The following CDC73 variants were observed in gnomAD, a reference collection of about 807,000 sequenced individuals.
CDC73 encodes parafibromin.
A neutral mutation model predicts 83.7 loss-of-function variants in CDC73; 21 were observed. The observed-to-expected ratio is 0.25, with a 90% CI of 0.18 to 0.36. The LOEUF (loss-of-function observed/expected upper bound fraction) is 0.36, where lower values mean the gene tolerates loss of function less well. Ranked by LOEUF, CDC73 falls within the 10% of genes least tolerant of loss-of-function variation. The pLI is 1.00. For missense variants in CDC73, 342 were observed against 653.3 expected (o/e 0.52, Z 5.19); for synonymous variants, 224 against 212.9 (o/e 1.05, Z -0.45).
intron 10 of CDC73, among the ~76,000 whole-genome samples, chr1:193,192,628 G>A (rs576891775): frequency 6.6e-5 from 10 of 152,196 alleles, no homozygotes; most frequent in African/African-American, 1.9e-4. Context: ...GCGAAGTGCC[G>A]GGGTCTGACC....
chr1:193,253,415 G>GT lies in CDC73; in HGVS notation c.*2705dup, dbSNP rs1199490826. The GT allele has an allele frequency of 2.2e-5, 5 of 232,290 alleles. No homozygotes were observed. The highest frequency in any genetic ancestry group is 5.6e-5 in the Admixed American group (1 of 17,744). 14.4% of individuals were successfully genotyped at this position (232,290 alleles called of 1,614,324 possible). A position where few individuals can be genotyped will look rare whatever the true frequency, so the allele number is the denominator to read the frequency against. On this transcript the variant is annotated 3_prime_UTR_variant, in exon 17 of 17. Transcript: ENST00000367435. Reference sequence around the variant, plus strand: ...TATGTGTGGTTTTTGATTTTTTGTTGTTGTTGTTGTTTTGTGGCCACCCTT... The same window carrying GT: ...TATGTGTGGTTTTTGATTTTTTGTTGTTTGTTGTTGTTTTGTGGCCACCCTT...
chr1:193,180,696 A>G (rs1344010817), intron 10 of CDC73: 1 of 1,614,076 alleles, frequency 6.2e-7, no homozygotes, highest in South Asian at 1.1e-5. Context: ...CTTTGTTTCG[A>G]TTGGGTGCAT....
At chr1:193,155,299 G>A (rs762521939) in intron 10 of CDC73, among the ~76,000 whole-genome samples, 3 of 152,098 alleles carry the variant, frequency 2.0e-5, no homozygotes, top group Non-Finnish European at 4.4e-5. Flanking sequence ...AGAAACCCAG[G>A]TATCTTTAAA....
rs1396420212 is a variant in CDC73, at chr1:193,125,135, G to A, written c.155G>A (p.Arg52Lys). Residue 52 changes from arginine to lysine, a missense_variant, in exon 2 of 17, where the codon AGA (arginine) becomes AAA (lysine). Arg to Lys is a conservative substitution (Grantham distance 26). Coordinates refer to ENST00000367435, the MANE Select transcript of CDC73 (RefSeq NM_024529.5). ...AGGACTGGAAAGGAAGGCCAACCCAGAGAGTACTACACATTGGATTCCATT... is the reference window on the plus strand; with the variant it reads ...AGGACTGGAAAGGAAGGCCAACCCAAAGAGTACTACACATTGGATTCCATT... ...VWGTGKEGQPREYYTLDSILF... is the reference protein window; with the variant it reads ...VWGTGKEGQPKEYYTLDSILF... 1 of 1,605,212 alleles carries A rather than the reference G, an allele frequency of 6.2e-7. No individual in the cohort carries two copies. Among genetic ancestry groups the A allele is most frequent in the African/African-American group, 1.3e-5 (1 of 74,864 alleles).
At chr1:193,243,216 A>G (rs1452056175) in intron 15 of CDC73, among the ~76,000 whole-genome samples, 2 of 152,174 alleles carry the variant, frequency 1.3e-5, no homozygotes, top group Non-Finnish European at 2.9e-5. Context: ...CTGGGATTAC[A>G]GGCGTGAGCC....
At chr1:193,195,414 G>A (rs1676985460) in intron 10 of CDC73, among the ~76,000 whole-genome samples, 1 of 152,108 alleles carries the variant, frequency 6.6e-6, no homozygotes, top group Non-Finnish European at 1.5e-5. Context: ...GTTCATTAGA[G>A]TTATTCCTAC....
chr1:193,234,289 A>ATATATATATATATATATATAAT (rs1677719485), intron 14 of CDC73, among the ~76,000 whole-genome samples: 5 of 116,106 alleles, frequency 4.3e-5, no homozygotes, highest in African/African-American at 1.7e-4. Context: ...TAATATACAT[A>ATATATATATATATATATATAAT]TTATATATAT....
chr1:193,123,755 G>C (rs542628188), intron 1 of CDC73, among the ~76,000 whole-genome samples: 31 of 152,082 alleles, frequency 2.0e-4, no homozygotes, highest in African/African-American at 7.5e-4. Context: ...CTAAGACTCT[G>C]GTTTCTACCT....
intron 10 of CDC73, among the ~76,000 whole-genome samples, chr1:193,182,918 ACT>A (rs1328605022): frequency 2.6e-5 from 4 of 152,074 alleles, no homozygotes; most frequent in Non-Finnish European, 4.4e-5. Context: ...TATGAAAATT[ACT>A]TCTTTAAGCA....
At chr1:193,157,563 C>A (rs1047449885) in intron 10 of CDC73, among the ~76,000 whole-genome samples, 11 of 152,328 alleles carry the variant, frequency 7.2e-5, no homozygotes, top group Admixed American at 6.5e-4. Flanking sequence ...TGTAGTCTCA[C>A]ATGGCAACAG....
intron 3 of CDC73, among the ~76,000 whole-genome samples, chr1:193,132,996 G>C (rs1276310166): frequency 1.3e-5 from 2 of 150,842 alleles, no homozygotes; most frequent in Non-Finnish European, 2.9e-5. Context: ...CCGCCTCCCG[G>C]GTGCATGCCA....
chr1:193,249,923 T>A, intron 16 of CDC73, 52 bp downstream of exon 16: 1 of 1,579,266 alleles, frequency 6.3e-7, no homozygotes, highest in Non-Finnish European at 8.7e-7. Flanking sequence ...AATTTTTCTG[T>A]CTCAGTTAAA....
At chr1:193,150,686 G>T (rs1330738858) in intron 9 of CDC73, among the ~76,000 whole-genome samples, 2 of 152,146 alleles carry the variant, frequency 1.3e-5, no homozygotes, top group Non-Finnish European at 2.9e-5. Context: ...CCAACCCCTG[G>T]TTAATAGCAT....
intron 10 of CDC73, among the ~76,000 whole-genome samples, chr1:193,178,764 C>G (rs894583086): frequency 6.6e-6 from 1 of 152,156 alleles, no homozygotes; most frequent in Non-Finnish European, 1.5e-5. Context: ...AACACTTAGG[C>G]TACTGATTTG....
chr1:193,249,418 A>G (rs1051800658), intron 15 of CDC73, among the ~76,000 whole-genome samples: 8 of 152,008 alleles, frequency 5.3e-5, no homozygotes, highest in Non-Finnish European at 8.8e-5. Flanking sequence ...TTATTATGAT[A>G]CTTTATTGCG....
intron 3 of CDC73, among the ~76,000 whole-genome samples, chr1:193,132,264 C>T (rs958479974): frequency 3.9e-5 from 6 of 152,130 alleles, no homozygotes; most frequent in Admixed American, 3.9e-4. Context: ...TGCTTTCTTC[C>T]TATGCTGTCC....
intron 13 of CDC73, among the ~76,000 whole-genome samples, chr1:193,215,394 C>T (rs1200138002): frequency 2.0e-5 from 3 of 151,998 alleles, no homozygotes; most frequent in African/African-American, 7.3e-5. Context: ...TCTATTTTAG[C>T]CTTTTACCTC....
At chr1:193,205,221 C>T (rs1390964686) in intron 11 of CDC73, among the ~76,000 whole-genome samples, 1 of 92,568 alleles carries the variant, frequency 1.1e-5, no homozygotes, top group Non-Finnish European at 1.9e-5. Flanking sequence ...TTTTTTTAAA[C>T]TCATCAGTGC....
rs144859660 is a variant in CDC73, at chr1:193,247,382, A to ATC, written c.1418-2330_1418-2329dup. ...TGCCCCACTGACCAATTAGTCCCTCATCTCTCTCTCTCTCTCTCTTCAGGC... is the reference window on the plus strand; with the variant it reads ...TGCCCCACTGACCAATTAGTCCCTCATCTCTCTCTCTCTCTCTCTCTTCAGGC... On this transcript the variant is annotated intron_variant, in intron 15 of 16. Transcript: ENST00000367435. Among the ~76,000 whole-genome samples the ATC allele has an allele frequency of 3.6e-4, 54 of 149,492 alleles. 1 individual carries two copies. The highest frequency in any genetic ancestry group is 4.3e-4 in the Non-Finnish European group (29 of 67,030).
Sources: gnomAD v4.1 joint callset for allele counts (sites outside exome capture counted in the v4.1 genomes callset) on GRCh38, gnomAD v4.1.1 for gene constraint, MANE v1.5 for transcripts, NCBI Gene and HGNC (gene_info 2026-07-23, HGNC 2026-07-21) for gene names.